The following FAM149B1 variants were observed in gnomAD, a reference collection of about 807,000 sequenced individuals.
The protein encoded by FAM149B1 is primary cilium assembly protein FAM149B1.
Under a neutral mutation model 75.3 loss-of-function variants are expected in FAM149B1, and 56 were observed. That is an observed-to-expected ratio of 0.74 (90% confidence interval 0.60 to 0.93). The LOEUF (loss-of-function observed/expected upper bound fraction) is 0.93. Among genes scored for constraint, FAM149B1 ranks in the 40% least tolerant of loss-of-function variants. The pLI is 0.00. For synonymous variants in FAM149B1, 259 were observed against 256.1 expected (o/e 1.01, Z -0.11); for missense variants, 639 against 708.4 (o/e 0.90, Z 1.11).
chr10:73,177,583 A>T (rs1844026607), intron 2 of FAM149B1, among the ~76,000 whole-genome samples: 1 of 152,138 alleles, frequency 6.6e-6, no homozygotes, highest in Non-Finnish European at 1.5e-5. Flanking sequence ...CCAAAAAAAA[A>T]AGAGTATGTC....
Position 73,206,558 on chromosome 10 carries a change from C to T in FAM149B1, c.543-2061C>T, listed in dbSNP as rs904593929. Among the ~76,000 whole-genome samples, 6 of 152,352 alleles carry T rather than the reference C, an allele frequency of 3.9e-5. 1 individual carries two copies. The highest frequency in any genetic ancestry group is 3.9e-4 in the Admixed American group (6 of 15,310). On this transcript the variant is annotated intron_variant, in intron 5 of 13. Transcript: ENST00000242505. ...TTCGGAGACCTTCACAGCAGCCCCT[C>T]CCATCACAGGCCCAGAGGCCTAGGA...
At chr10:73,177,823 C>T in intron 2 of FAM149B1, 23 bp from the exon 3 acceptor site, 4 of 1,535,102 alleles carry the variant, frequency 2.6e-6, no homozygotes, top group Non-Finnish European at 2.6e-6. Context: ...TTTTTCTCTC[C>T]TCCTCCCAAA....
chr10:73,228,364 T>G (rs2043604567), intron 8 of FAM149B1, among the ~76,000 whole-genome samples, 180 bp downstream of exon 8: 1 of 152,194 alleles, frequency 6.6e-6, no homozygotes, highest in East Asian at 1.9e-4. Flanking sequence ...AATAGCAAAT[T>G]AGAGTTGATA....
intron 7 of FAM149B1, among the ~76,000 whole-genome samples, chr10:73,212,236 A>G (rs1176688238): frequency 4.6e-5 from 7 of 152,204 alleles, no homozygotes; most frequent in Non-Finnish European, 1.0e-4. Context: ...CTGATTCCAT[A>G]TCTTTGCTAC....
chr10:73,220,040 C>T (rs755444343), intron 7 of FAM149B1, among the ~76,000 whole-genome samples: 8 of 150,694 alleles, frequency 5.3e-5, no homozygotes, highest in Non-Finnish European at 1.2e-4. Context: ...AGAACTATAA[C>T]TCAATAATAA....
chr10:73,197,178 AT>A (rs2042822857), intron 5 of FAM149B1, among the ~76,000 whole-genome samples: 1 of 146,768 alleles, frequency 6.8e-6, no homozygotes, highest in Admixed American at 6.7e-5. Flanking sequence ...TAATTTTTGT[AT>A]TTTCAGCAGA....
At chr10:73,228,733 G>T (rs2043615908) in intron 8 of FAM149B1, among the ~76,000 whole-genome samples, 1 of 152,094 alleles carries the variant, frequency 6.6e-6, no homozygotes, top group Admixed American at 6.5e-5. Context: ...GAGTACCTGG[G>T]ATTACAGATG....
At chr10:73,193,426 A>G in intron 4 of FAM149B1, 51 bp from the exon 5 acceptor site, 1 of 1,522,116 alleles carries the variant, frequency 6.6e-7, no homozygotes, top group Non-Finnish European at 8.8e-7. Context: ...TAGATTTTGT[A>G]TGTATGCCAG....
chr10:73,233,362 T>TA (rs1471956533), intron 10 of FAM149B1, among the ~76,000 whole-genome samples, 199 bp downstream of exon 10: 2 of 152,166 alleles, frequency 1.3e-5, no homozygotes, highest in East Asian at 3.9e-4. Context: ...TTTTTTTAGA[T>TA]ACAGTCTCAC....
chr10:73,178,649 C>G (rs1241724340), intron 3 of FAM149B1, among the ~76,000 whole-genome samples: 1 of 152,080 alleles, frequency 6.6e-6, no homozygotes, highest in Non-Finnish European at 1.5e-5. Context: ...GCCATTATAG[C>G]CTGGGAAAAT....
chr10:73,209,375 G>A (rs1214200387), intron 6 of FAM149B1, among the ~76,000 whole-genome samples: 1 of 152,074 alleles, frequency 6.6e-6, no homozygotes, highest in East Asian at 1.9e-4. Flanking sequence ...TTGAACCCGG[G>A]AGGCGGAGGT....
intron 5 of FAM149B1, among the ~76,000 whole-genome samples, chr10:73,195,765 T>C (rs2042790037): frequency 6.6e-6 from 1 of 152,208 alleles, no homozygotes; most frequent in African/African-American, 2.4e-5. Flanking sequence ...CTACTTTTCC[T>C]GGGATATTTG....
At chr10:73,236,038 A>AC (rs1333386977) in intron 12 of FAM149B1, among the ~76,000 whole-genome samples, 2 of 152,054 alleles carry the variant, frequency 1.3e-5, no homozygotes, top group African/African-American at 4.8e-5. Flanking sequence ...GTAACCAGGG[A>AC]CCCCACATCC....
chr10:73,190,524 T>C (rs989019358), intron 3 of FAM149B1, among the ~76,000 whole-genome samples: 1 of 151,520 alleles, frequency 6.6e-6, no homozygotes, highest in Non-Finnish European at 1.5e-5. Context: ...CCCAGACAGA[T>C]AGATATAATT....
chr10:73,210,447 C>CT lies in FAM149B1; in HGVS notation c.898+12dup. The CT allele has an allele frequency of 6.6e-7, 1 of 1,512,816 alleles. No homozygotes were observed. Among genetic ancestry groups the CT allele is most frequent in the South Asian group, 1.2e-5 (1 of 80,706 alleles). The allele number at this position is 1,512,816 out of a possible 1,614,324, so 93.7% of individuals were successfully genotyped here. A position where few individuals can be genotyped will look rare whatever the true frequency, so the allele number is the denominator to read the frequency against. On this transcript the variant is annotated intron_variant, in intron 7 of 13. Transcript: ENST00000242505. Reference sequence around the variant, plus strand: ...GGAAGGATTTGCCTCTGGTAAGGATCTTTGTGAAAATAATGTAAAAATCAA... The same window carrying CT: ...GGAAGGATTTGCCTCTGGTAAGGATCTTTTGTGAAAATAATGTAAAAATCAA...
intron 7 of FAM149B1, among the ~76,000 whole-genome samples, chr10:73,211,127 T>C (rs983061806): frequency 6.6e-6 from 1 of 152,204 alleles, no homozygotes; most frequent in Non-Finnish European, 1.5e-5. Context: ...ACCAGAAGTC[T>C]ACCAGAGAGA....
chr10:73,197,711 A>G (rs1250912918), intron 5 of FAM149B1, among the ~76,000 whole-genome samples: 1 of 152,120 alleles, frequency 6.6e-6, no homozygotes, highest in South Asian at 2.1e-4. Context: ...CAGAGGTTGC[A>G]GTAAGCTGAG....
intron 7 of FAM149B1, among the ~76,000 whole-genome samples, chr10:73,212,697 G>A (rs563100916): frequency 6.6e-6 from 1 of 152,082 alleles, no homozygotes; most frequent in Admixed American, 6.5e-5. Context: ...TTCCATAAAG[G>A]CTGTACTAAT....
In FAM149B1 at chr10:73,243,966, G is replaced by T; in HGVS notation, c.*2947G>T. ...ACTCACATGAGACTCAGGGCCACCA[G>T]GAAATGCTTAAAATACATACTCTTT... On this transcript the variant is annotated 3_prime_UTR_variant, in exon 14 of 14. Coordinates refer to ENST00000242505, the MANE Select transcript of FAM149B1 (RefSeq NM_173348.2). 6.4e-7 allele frequency: 1 copy of T among 1,554,606 alleles called. No individual in the cohort carries two copies. Among genetic ancestry groups the T allele is most frequent in the Non-Finnish European group, 8.8e-7 (1 of 1,133,952 alleles).
Sources: gnomAD v4.1 joint callset for allele counts (sites outside exome capture counted in the v4.1 genomes callset) on GRCh38, gnomAD v4.1.1 for gene constraint, MANE v1.5 for transcripts, NCBI Gene and HGNC (gene_info 2026-07-23, HGNC 2026-07-21) for gene names.